The following AJAP1 variants were observed in gnomAD, a reference collection of about 807,000 sequenced individuals.
AJAP1 encodes adherens junctions associated protein 1, also known as adherens junction-associated protein 1.
Under a neutral mutation model 35.0 loss-of-function variants are expected in AJAP1, and 5 were observed. That is an observed-to-expected ratio of 0.14 (90% CI 0.07 to 0.30). The LOEUF is 0.30. Among genes scored for constraint, AJAP1 ranks in the 10% least tolerant of loss-of-function variants. The pLI is 1.00. For synonymous variants in AJAP1, 284 were observed against 249.3 expected (o/e 1.14, Z -1.31); for missense variants, 586 against 571.0 (o/e 1.03, Z -0.27).
rs1444284241 is a variant in AJAP1, at chr1:4,791,652, T to C, written c.*9167T>C. 1 of 152,222 alleles carries C rather than the reference T, an allele frequency of 6.6e-6. No individual in the cohort carries two copies. Among genetic ancestry groups the C allele is most frequent in the Non-Finnish European group, 1.5e-5 (1 of 68,042 alleles). 9.4% of individuals were successfully genotyped at this position (152,222 alleles called of 1,614,324 possible). A position where few individuals can be genotyped will look rare whatever the true frequency, so the allele number is the denominator to read the frequency against. On this transcript the variant is annotated 3_prime_UTR_variant, in exon 6 of 6. Coordinates refer to ENST00000378191, the MANE Select transcript of AJAP1 (RefSeq NM_018836.4). The stretch of plus-strand genomic sequence containing the variant: ...TGGTCAACCATTTGGATGTTTGACT[T>C]TCACAACATCAAGCATTGGCCATTG...
At chr1:4,747,075 C>T (rs1281823395) in intron 2 of AJAP1, among the ~76,000 whole-genome samples, 1 of 152,228 alleles carries the variant, frequency 6.6e-6, no homozygotes, top group Non-Finnish European at 1.5e-5. Flanking sequence ...CATGTTGACA[C>T]AAAACCAGAC....
intron 2 of AJAP1, among the ~76,000 whole-genome samples, chr1:4,746,626 C>T (rs1228724605): frequency 1.3e-5 from 2 of 152,154 alleles, no homozygotes; most frequent in Non-Finnish European, 2.9e-5. Flanking sequence ...TAATTTTGTA[C>T]CATGACCGAA....
chr1:4,722,612 C>T (rs1640548051), intron 2 of AJAP1, among the ~76,000 whole-genome samples: 1 of 152,206 alleles, frequency 6.6e-6, no homozygotes, highest in Admixed American at 6.5e-5. Flanking sequence ...AGTCATGATA[C>T]AAGCAGGGCT....
At position 4,772,361 on chromosome 1, in the gene AJAP1, G is replaced by C. The variant is rs546291088; in HGVS notation, c.999G>C (p.Thr333=). The C allele has an allele frequency of 1.2e-6, 2 of 1,614,212 alleles. No homozygotes were observed. The highest frequency in any genetic ancestry group is 1.1e-5 in the South Asian group (1 of 91,082). ...AGGAGGAGAGCTGCCAGAACCTCAC[G>C]GACTTCCCCTCGGCCCGGGTGCCCA... is the stretch of plus-strand genomic sequence containing the variant. ...NQQEESCQNL[T]DFPSARVPSS... is the part of the protein sequence containing the mutation. The change falls in exon 4 of 6, where the codon ACG becomes ACC. Residue 333 remains threonine, a synonymous_variant. Coordinates refer to ENST00000378191, the MANE Select transcript of AJAP1 (RefSeq NM_018836.4).
intron 2 of AJAP1, among the ~76,000 whole-genome samples, chr1:4,748,278 C>T (rs1015914147): frequency 1.3e-5 from 2 of 152,174 alleles, no homozygotes; most frequent in Non-Finnish European, 2.9e-5. Context: ...GGGTGCATCA[C>T]GTGCGTGATC....
intron 1 of AJAP1, among the ~76,000 whole-genome samples, chr1:4,675,039 G>T (rs971780773): frequency 2.0e-5 from 3 of 152,210 alleles, no homozygotes; most frequent in Non-Finnish European, 1.5e-5. Context: ...GCCCAGGAGG[G>T]CAGTGGTCAG....
At chr1:4,674,773 T>G (rs1162751367) in intron 1 of AJAP1, among the ~76,000 whole-genome samples, 1 of 152,188 alleles carries the variant, frequency 6.6e-6, no homozygotes, top group Non-Finnish European at 1.5e-5. Flanking sequence ...CAGGCAGCAT[T>G]CTGCTCTGCC....
intron 2 of AJAP1, among the ~76,000 whole-genome samples, chr1:4,750,898 G>T (rs191922633): frequency 1.6e-3 from 235 of 148,808 alleles, no homozygotes; most frequent in African/African-American, 5.7e-3. Flanking sequence ...CTGCCAGGAA[G>T]CAGGGAAAAG....
intron 2 of AJAP1, among the ~76,000 whole-genome samples, chr1:4,739,303 A>G (rs1345561758): frequency 6.6e-6 from 1 of 152,190 alleles, no homozygotes; most frequent in African/African-American, 2.4e-5. Flanking sequence ...AAGTATCGGC[A>G]GGCTTTGGGG....
At chr1:4,737,040 T>C (rs1336694255) in intron 2 of AJAP1, among the ~76,000 whole-genome samples, 1 of 152,192 alleles carries the variant, frequency 6.6e-6, no homozygotes, top group East Asian at 1.9e-4. Flanking sequence ...AGAGCAACTC[T>C]CTGAATGTAC....
rs922979540 is a variant in AJAP1 at position 4,782,637 on chromosome 1, G to A, written c.*152G>A. On this transcript the variant is annotated 3_prime_UTR_variant, in exon 6 of 6. Coordinates refer to ENST00000378191, the MANE Select transcript of AJAP1 (RefSeq NM_018836.4). This position sits in a 1 kb window ranked among gnomAD's most constrained non-coding sequence, Gnocchi z 5.3. ...GAGCTATCTAAGGGGGAGGGTCCCC[G>A]CACCTACCACTTCTGTTTGCCGGTG... 5 of 397,768 alleles carry A rather than the reference G, an allele frequency of 1.3e-5. No individual in the cohort carries two copies. Among genetic ancestry groups the A allele is most frequent in the Middle Eastern group, 6.2e-4 (1 of 1,608 alleles). The allele number at this position is 397,768 out of a possible 1,614,324, so 24.6% of individuals were successfully genotyped here.
chr1:4,684,385 A>G (rs1213525300), intron 1 of AJAP1, among the ~76,000 whole-genome samples: 1 of 151,942 alleles, frequency 6.6e-6, no homozygotes, highest in Non-Finnish European at 1.5e-5. Context: ...ATCGGCCTTT[A>G]TGAGTGTTCT....
rs1208495954 is a variant in AJAP1 at position 4,789,017 on chromosome 1, T to G, written c.*6532T>G. On this transcript the variant is annotated 3_prime_UTR_variant, in exon 6 of 6. Coordinates refer to ENST00000378191, the MANE Select transcript of AJAP1 (RefSeq NM_018836.4). The surrounding 1 kb of genome is among the most constrained non-coding windows in gnomAD (Gnocchi z 4.4). ...TGCCTTTTCCTCGTGAAGGATTCCC[T>G]GCTAAATGTTCTAAGAGTTACTGTA... The G allele has an allele frequency of 2.0e-5, 3 of 152,226 alleles. No homozygotes were observed. The highest frequency in any genetic ancestry group is 4.4e-5 in the Non-Finnish European group (3 of 68,050). 9.4% of individuals were successfully genotyped at this position (152,226 alleles called of 1,614,324 possible).
At chr1:4,735,556 TAA>T (rs1464051968) in intron 2 of AJAP1, among the ~76,000 whole-genome samples, 2 of 152,214 alleles carry the variant, frequency 1.3e-5, no homozygotes. Flanking sequence ...TTTAAAAAGA[TAA>T]GACAGCCCAC....
intron 1 of AJAP1, among the ~76,000 whole-genome samples, chr1:4,666,434 G>A (rs917539120): frequency 1.3e-5 from 2 of 152,184 alleles, no homozygotes; most frequent in Non-Finnish European, 2.9e-5. Context: ...CTCTCTGCCC[G>A]TGTGCGTTCA....
At chr1:4,775,239 G>A (rs1172871468) in intron 5 of AJAP1, among the ~76,000 whole-genome samples, 2 of 152,046 alleles carry the variant, frequency 1.3e-5, no homozygotes, top group South Asian at 2.1e-4. Context: ...CAGAGCACTC[G>A]GGCTGCTGAG....
intron 1 of AJAP1, among the ~76,000 whole-genome samples, chr1:4,677,661 A>G (rs957248650): frequency 6.6e-6 from 1 of 151,886 alleles, no homozygotes; most frequent in African/African-American, 2.4e-5. Flanking sequence ...TGCAGGAGAA[A>G]CTCTTAAAAA....
At chr1:4,757,966 T>C (rs2100341963) in intron 2 of AJAP1, among the ~76,000 whole-genome samples, 1 of 152,198 alleles carries the variant, frequency 6.6e-6, no homozygotes, top group Admixed American at 6.5e-5. Context: ...ATGGAAGTGA[T>C]CACCCTCATG....
At chr1:4,741,469 C>A (rs1641068084) in intron 2 of AJAP1, among the ~76,000 whole-genome samples, 1 of 152,152 alleles carries the variant, frequency 6.6e-6, no homozygotes, top group Non-Finnish European at 1.5e-5. Context: ...TCTGTGGGTC[C>A]TCTCTGTCTT....
Sources: gnomAD v4.1 joint callset for allele counts (sites outside exome capture counted in the v4.1 genomes callset) on GRCh38, gnomAD v4.1.1 for gene constraint, Gnocchi (gnomAD v3.1) non-coding constraint, MANE v1.5 for transcripts, NCBI Gene and HGNC (gene_info 2026-07-23, HGNC 2026-07-21) for gene names.